Variants in SH3PXD2A observed in about 807,000 individuals in gnomAD.
SH3PXD2A encodes the protein SH3 and PX domains 2A.
SH3PXD2A carries 32 observed loss-of-function variants against 115.2 expected under a neutral mutation model. The observed-to-expected ratio is 0.28, with a 90% CI of 0.21 to 0.37. The LOEUF (loss-of-function observed/expected upper bound fraction) is 0.37, where lower values mean the gene tolerates loss of function less well. Among genes scored for constraint, SH3PXD2A ranks in the 10% least tolerant of loss-of-function variants. The pLI is 1.00. For missense variants in SH3PXD2A, 1,328 were observed against 1,498.7 expected (o/e 0.89, Z 1.88); for synonymous variants, 610 against 629.1 (o/e 0.97, Z 0.45).
At chr10:103,610,534 T>C (rs1286021946) in intron 13 of SH3PXD2A, among the ~76,000 whole-genome samples, 1 of 152,198 alleles carries the variant, frequency 6.6e-6, no homozygotes, top group Non-Finnish European at 1.5e-5. Context: ...GGATGAAATC[T>C]TTAAAAACCA....
At position 103,602,430 on chromosome 10, in the gene SH3PXD2A, C is replaced by G; in HGVS notation, c.2788G>C (p.Glu930Gln). 6.2e-7 allele frequency: 1 copy of G among 1,614,174 alleles called. No homozygotes were observed. Among genetic ancestry groups the G allele is most frequent in the South Asian group, 1.1e-5 (1 of 91,086 alleles). ...GTGTTCAGTGCTTGGACGCGCCTCT[C>G]GATCTTCTCCAGGCTGTCTGATTTG... is the stretch of plus-strand genomic sequence containing the variant. ...EGKSDSLEKI[E>Q]RRVQALNTVN... Residue 930 changes from glutamate (E) to glutamine (Q), a missense_variant, in exon 15 of 15, where the codon GAG becomes CAG. This residue lies in a region of SH3PXD2A where 574 missense variants were observed against 565.7 expected (regional missense o/e 1.01). Coordinates refer to ENST00000369774, the MANE Select transcript of SH3PXD2A (RefSeq NM_001394015.1).
At chr10:103,852,677 G>A (rs1285633927) in intron 1 of SH3PXD2A, among the ~76,000 whole-genome samples, 1 of 152,178 alleles carries the variant, frequency 6.6e-6, no homozygotes, top group Non-Finnish European at 1.5e-5. Flanking sequence ...GGCCAGGAGA[G>A]GAAGAGGCTG....
intron 6 of SH3PXD2A, among the ~76,000 whole-genome samples, chr10:103,672,509 A>G (rs1236468831): frequency 6.6e-6 from 1 of 152,224 alleles, no homozygotes; most frequent in African/African-American, 2.4e-5. Context: ...TGCAGGCTCA[A>G]TTGAGGCAAC....
chr10:103,848,426 C>T (rs1842867986), intron 1 of SH3PXD2A, among the ~76,000 whole-genome samples: 1 of 152,152 alleles, frequency 6.6e-6, no homozygotes, highest in South Asian at 2.1e-4. Context: ...TGGAGCCCAC[C>T]GGGAGGACCT....
At chr10:103,655,772 A>T (rs898767439) in intron 8 of SH3PXD2A, among the ~76,000 whole-genome samples, 34 of 62,124 alleles carry the variant, frequency 5.5e-4, no homozygotes, top group Admixed American at 4.3e-3. Context: ...GACCCTGTCT[A>T]AAAAAAAAAA....
At chr10:103,614,450 A>T (rs1229915757) in intron 11 of SH3PXD2A, among the ~76,000 whole-genome samples, 1 of 152,210 alleles carries the variant, frequency 6.6e-6, no homozygotes, top group Non-Finnish European at 1.5e-5. Flanking sequence ...ACTAGATAAA[A>T]CTAAAACCAA....
rs758931068 is a variant in SH3PXD2A at position 103,596,657 on chromosome 10, A to ACTCTCTCTCTCT, written c.*5158_*5159insAGAGAGAGAGAG. On this transcript the variant is annotated 3_prime_UTR_variant, in exon 15 of 15. Transcript: ENST00000369774. The stretch of plus-strand genomic sequence containing the variant: ...CAGACACACACACACACACACACAC[A>ACTCTCTCTCTCT]CACACACTCTCTCTCTCTCTCTCTC... 3.6e-5 allele frequency: 2 copies of ACTCTCTCTCTCT among 55,448 alleles called. No individual in the cohort carries two copies. Among genetic ancestry groups the ACTCTCTCTCTCT allele is most frequent in the African/African-American group, 1.2e-4 (2 of 16,230 alleles). The allele number at this position is 55,448 out of a possible 1,614,324, so 3.4% of individuals were successfully genotyped here.
intron 6 of SH3PXD2A, among the ~76,000 whole-genome samples, chr10:103,676,317 T>C (rs887231920): frequency 2.0e-5 from 3 of 152,124 alleles, no homozygotes; most frequent in African/African-American, 7.2e-5. Flanking sequence ...ATTGACCCTC[T>C]GGCCCTGGGT....
At chr10:103,775,340 G>A (rs1019641545) in intron 2 of SH3PXD2A, among the ~76,000 whole-genome samples, 2 of 152,160 alleles carry the variant, frequency 1.3e-5, no homozygotes, top group Non-Finnish European at 2.9e-5. Flanking sequence ...TGATCCGAGT[G>A]GGAGCTGGGA....
intron 5 of SH3PXD2A, among the ~76,000 whole-genome samples, chr10:103,723,078 A>G (rs2038201568): frequency 6.6e-6 from 1 of 152,202 alleles, no homozygotes; most frequent in Middle Eastern, 3.2e-3. Flanking sequence ...CAGAAAGTGC[A>G]GTGTGAATGG....
At chr10:103,768,454 G>A (rs373094799) in intron 2 of SH3PXD2A, among the ~76,000 whole-genome samples, 80 of 152,234 alleles carry the variant, frequency 5.3e-4, no homozygotes, top group Middle Eastern at 6.3e-3. Context: ...CGATGTGGCT[G>A]GAGTGGAGTG....
At chr10:103,681,841 G>A (rs542824892) in intron 6 of SH3PXD2A, among the ~76,000 whole-genome samples, 1 of 152,314 alleles carries the variant, frequency 6.6e-6, no homozygotes, top group Admixed American at 6.5e-5. Flanking sequence ...TTGGGAGGCC[G>A]AGGTGGGTGG....
chr10:103,732,709 T>A lies in SH3PXD2A; in HGVS notation c.306+3023A>T, dbSNP rs1383300156. ...TGAATTCCCATCAAACCCCAGACTC[T>A]GAGCCCACATTGTCTAGCAGGTCGA... On this transcript the variant is annotated intron_variant, in intron 4 of 14. Coordinates refer to ENST00000369774, the MANE Select transcript of SH3PXD2A (RefSeq NM_001394015.1). Among the ~76,000 whole-genome samples, 7 of 152,214 alleles carry A rather than the reference T, an allele frequency of 4.6e-5. 1 individual carries two copies. Among genetic ancestry groups the A allele is most frequent in the Non-Finnish European group, 7.3e-5 (5 of 68,034 alleles).
intron 4 of SH3PXD2A, among the ~76,000 whole-genome samples, chr10:103,727,588 T>C (rs887284015): frequency 6.6e-6 from 1 of 151,944 alleles, no homozygotes; most frequent in African/African-American, 2.4e-5. Context: ...ACTAGTGCCC[T>C]CCCCGCTCAG....
chr10:103,818,127 T>C (rs1360441812), intron 1 of SH3PXD2A, among the ~76,000 whole-genome samples: 1 of 152,238 alleles, frequency 6.6e-6, no homozygotes, highest in Non-Finnish European at 1.5e-5. Context: ...ACAATGTACC[T>C]CTTGGTTAAG....
rs373379787 is a variant in SH3PXD2A, at chr10:103,635,102, G to A, written c.605-7900C>T. On this transcript the variant is annotated intron_variant, in intron 8 of 14. Coordinates refer to ENST00000369774, the MANE Select transcript of SH3PXD2A (RefSeq NM_001394015.1). ...GAAACTGCCTTGAGTGTGTGTGGGC[G>A]TGTGCCTATGCATCTGCTCTAAGCT... Among the ~76,000 whole-genome samples, 31 of 152,322 alleles carry A rather than the reference G, an allele frequency of 2.0e-4. 1 individual carries two copies. Among genetic ancestry groups the A allele is most frequent in the East Asian group, 1.5e-3 (8 of 5,172 alleles).
intron 13 of SH3PXD2A, among the ~76,000 whole-genome samples, chr10:103,607,753 G>C (rs911417342): frequency 6.6e-6 from 1 of 152,048 alleles, no homozygotes; most frequent in Non-Finnish European, 1.5e-5. Flanking sequence ...GATGGTTGCC[G>C]CGTCTGTGTA....
intron 1 of SH3PXD2A, among the ~76,000 whole-genome samples, chr10:103,804,314 C>CTTTTTTTT (rs58737094): frequency 3.4e-5 from 2 of 59,672 alleles, no homozygotes; most frequent in African/African-American, 6.5e-5. Flanking sequence ...TTGACATCAT[C>CTTTTTTTT]TTTTTTTTTT....
At chr10:103,766,310 G>C (rs2038753959) in intron 3 of SH3PXD2A, among the ~76,000 whole-genome samples, 2 of 152,186 alleles carry the variant, frequency 1.3e-5, no homozygotes, top group Admixed American at 6.5e-5. Context: ...GAGCTCTTCT[G>C]GGGAACGGTA....
Sources: gnomAD v4.1 joint callset for allele counts (sites outside exome capture counted in the v4.1 genomes callset) on GRCh38, gnomAD v4.1.1 for gene constraint, gnomAD v4.1.1 regional missense constraint, MANE v1.5 for transcripts, NCBI Gene and HGNC (gene_info 2026-07-23, HGNC 2026-07-21) for gene names.